DHTKD1: variants seen among roughly 807,000 people sequenced by gnomAD.
The protein encoded by DHTKD1 is dehydrogenase E1 and transketolase domain containing 1.
Under a neutral mutation model 101.8 loss-of-function variants are expected in DHTKD1, and 78 were observed. That is an observed-to-expected ratio of 0.77 (90% CI 0.64 to 0.93). The LOEUF is 0.93. Among genes scored for constraint, DHTKD1 ranks in the 40% least tolerant of loss-of-function variants. DHTKD1 has a pLI of 0.00. For missense variants in DHTKD1, 1,223 were observed against 1,161.7 expected (o/e 1.05, Z -0.77); for synonymous variants, 462 against 450.3 (o/e 1.03, Z -0.33).
In DHTKD1 at chr10:12,106,253, A is replaced by G. The variant is rs765879482; in HGVS notation, c.1904A>G (p.Asn635Ser). Reference sequence around the variant, plus strand: ...TCTCTTCTCTGGGATTAGGTCAGCAACAGCCCACTGTCAGAAGAGGCCGTC... The same window carrying G: ...TCTCTTCTCTGGGATTAGGTCAGCAGCAGCCCACTGTCAGAAGAGGCCGTC... Reference protein sequence around the residue: ...PNQKGFLEVSNSPLSEEAVLG... With the variant: ...PNQKGFLEVSSSPLSEEAVLG... The change falls in exon 11 of 17, where the codon AAC becomes AGC. Residue 635 changes from asparagine (N) to serine (S), a missense_variant. Asn to Ser is a conservative substitution (Grantham distance 46). Coordinates refer to ENST00000263035, the MANE Select transcript of DHTKD1 (RefSeq NM_018706.7). 2.2e-5 allele frequency: 36 copies of G among 1,614,144 alleles called. No individual in the cohort carries two copies. In the East Asian group the frequency reaches 8.0e-4, roughly 36 times the overall value.
chr10:12,107,143 C>A lies in DHTKD1; in HGVS notation c.2047+747C>A, dbSNP rs1036394440. ...GGGACTACATAGGCGCTGGTCACCA[C>A]GCCCGGCTAATTTTTTGTATTTTTA... On this transcript the variant is annotated intron_variant, in intron 11 of 16. Transcript: ENST00000263035. The surrounding 1 kb of genome is among the most constrained non-coding windows in gnomAD (Gnocchi z 4.1). 6.6e-6 allele frequency among the ~76,000 whole-genome samples: 1 copy of A among 151,418 alleles called. No homozygotes were observed. The highest frequency in any genetic ancestry group is 2.4e-5 in the African/African-American group (1 of 41,176).
intron 13 of DHTKD1, among the ~76,000 whole-genome samples, chr10:12,115,156 G>A (rs1053050313): frequency 6.6e-6 from 1 of 151,220 alleles, no homozygotes; most frequent in East Asian, 2.0e-4. Flanking sequence ...TGGAGAGCGC[G>A]ATCTTGGCTC....
rs376437103 is a variant in DHTKD1, at chr10:12,090,425, C to CTTCCTTCCT, written c.988-1086_988-1085insCCTTCCTTT. Among the ~76,000 whole-genome samples, 181 of 47,310 alleles carry CTTCCTTCCT rather than the reference C, an allele frequency of 3.8e-3. 1 individual carries two copies. The highest frequency in any genetic ancestry group is 5.0e-3 in the Non-Finnish European group (123 of 24,560). The allele number at this position is 47,310 out of a possible 152,430, so 31.0% of individuals were successfully genotyped here. ...CCTTCCTTTTTTCCTTCCTTCCTTC[C>CTTCCTTCCT]TTTTTCCTTCCTTCCTTCCTTCCTT... On this transcript the variant is annotated intron_variant, in intron 5 of 16. Transcript: ENST00000263035.
intron 10 of DHTKD1, 43 bp from the exon 11 acceptor site, chr10:12,106,203 G>T (rs769862516): frequency 9.9e-6 from 16 of 1,611,170 alleles, no homozygotes; most frequent in Non-Finnish European, 1.3e-5. Context: ...GTGCTCTGCC[G>T]TGGCCCTCAC....
chr10:12,118,773 C>G lies in DHTKD1; in HGVS notation c.2427C>G (p.Ser809=). 1 of 1,591,304 alleles carries G rather than the reference C, an allele frequency of 6.3e-7. No individual in the cohort carries two copies. The highest frequency in any genetic ancestry group is 8.5e-7 in the Non-Finnish European group (1 of 1,170,472). ...GGGTTAAGACCCTCGTGTTCTGCTC[C>G]GGCAAACATTTCTACTCCCTGGTGA... ...PKKVKTLVFC[S]GKHFYSLVKQ... The change falls in exon 15 of 17, where the codon TCC becomes TCG. Residue 809 remains serine, a synonymous_variant. Transcript: ENST00000263035.
intron 1 of DHTKD1, among the ~76,000 whole-genome samples, chr10:12,073,025 C>T (rs996368667): frequency 6.8e-6 from 1 of 146,718 alleles, no homozygotes; most frequent in Non-Finnish European, 1.5e-5. Flanking sequence ...CATGAGCCAC[C>T]GTGCCTGACC....
rs35898320 is a variant in DHTKD1 at position 12,097,733 on chromosome 10, G to A, written c.1408G>A (p.Gly470Arg). 5.8e-5 allele frequency: 93 copies of A among 1,613,958 alleles called. No individual in the cohort carries two copies. The highest frequency in any genetic ancestry group is 1.7e-4 in the African/African-American group (13 of 74,916). The part of the protein sequence containing the change: ...DTYAEHLIAG[G>R]LMTQEEVSEI... ...ATATGCAGAGCACCTCATTGCTGGCGGACTCATGACGCAGGAGGAGGTGTC... is the reference window on the plus strand; with the variant it reads ...ATATGCAGAGCACCTCATTGCTGGCAGACTCATGACGCAGGAGGAGGTGTC... Residue 470 changes from glycine (G) to arginine (R), a missense_variant, in exon 8 of 17, where the codon GGA becomes AGA. By Grantham distance (125) the Gly-to-Arg change is moderately radical. Transcript: ENST00000263035.
In DHTKD1 at chr10:12,069,203, C is replaced by G; in HGVS notation, c.154+16C>G. On this transcript the variant is annotated intron_variant, in intron 1 of 16. Transcript: ENST00000263035. ...CGCCCCCCAGGTCGGGGATGGGGCCCGGGCGGTGGGAGCGGGGGCTGGGAC... is the reference window on the plus strand; with the variant it reads ...CGCCCCCCAGGTCGGGGATGGGGCCGGGGCGGTGGGAGCGGGGGCTGGGAC... 7.1e-7 allele frequency: 1 copy of G among 1,402,930 alleles called. No homozygotes were observed. The highest frequency in any genetic ancestry group is 9.4e-7 in the Non-Finnish European group (1 of 1,058,686). The allele number at this position is 1,402,930 out of a possible 1,614,324, so 86.9% of individuals were successfully genotyped here. A position where few individuals can be genotyped will look rare whatever the true frequency, so the allele number is the denominator to read the frequency against.
At chr10:12,073,902 C>T (rs1832686219) in intron 1 of DHTKD1, among the ~76,000 whole-genome samples, 1 of 152,174 alleles carries the variant, frequency 6.6e-6, no homozygotes, top group Admixed American at 6.5e-5. Flanking sequence ...ACAAATATTT[C>T]TTGAGCGTCT....
At chr10:12,117,862 TTTTA>T (rs781435056) in intron 14 of DHTKD1, 107 bp downstream of exon 14, 16 of 70,510 alleles carry the variant, frequency 2.3e-4, no homozygotes, top group African/African-American at 1.1e-3. Flanking sequence ...CCTCTCCTAT[TTTTA>T]TTTATTTATT....
rs1356979625 is a variant in DHTKD1 at position 12,103,092 on chromosome 10, A to G, written c.1896+1911A>G. Among the ~76,000 whole-genome samples the G allele has an allele frequency of 1.3e-5, 2 of 152,162 alleles. No individual in the cohort carries two copies. The highest frequency in any genetic ancestry group is 1.9e-4 in the East Asian group (1 of 5,152). ...ACAAAAATTAGTCGGGCATGGTGGC[A>G]CACGCCTGTAATCCCAGCTACTCAG... On this transcript the variant is annotated intron_variant, in intron 10 of 16. Coordinates refer to ENST00000263035, the MANE Select transcript of DHTKD1 (RefSeq NM_018706.7). The surrounding 1 kb of genome is among the most constrained non-coding windows in gnomAD (Gnocchi z 4.8).
chr10:12,112,679 A>T (rs1015313941), intron 12 of DHTKD1, among the ~76,000 whole-genome samples: 7 of 152,144 alleles, frequency 4.6e-5, no homozygotes, highest in Non-Finnish European at 8.8e-5. Flanking sequence ...ATTGTGTTAG[A>T]TGACACAGAA....
Position 12,069,184 on chromosome 10 carries a change from C to T in DHTKD1, c.151C>T (p.Pro51Ser), listed in dbSNP as rs563631393. The change falls in exon 1 of 17, where the codon CCA becomes TCA. Residue 51 changes from proline (P) to serine (S), a missense_variant. Coordinates refer to ENST00000263035, the MANE Select transcript of DHTKD1 (RefSeq NM_018706.7). Reference protein sequence around the residue: ...REPQGALERPPVDHGLARLVT... With the variant: ...REPQGALERPSVDHGLARLVT... Reference sequence around the variant, plus strand: ...GCCCCAGGGCGCCCTGGAGCGCCCCCCAGGTCGGGGATGGGGCCCGGGCGG... The same window carrying T: ...GCCCCAGGGCGCCCTGGAGCGCCCCTCAGGTCGGGGATGGGGCCCGGGCGG... 6.5e-7 allele frequency: 1 copy of T among 1,547,880 alleles called. No individual in the cohort carries two copies.
Position 12,105,204 on chromosome 10 carries a change from T to A in DHTKD1, c.1897-1042T>A, listed in dbSNP as rs115906531. On this transcript the variant is annotated intron_variant, in intron 10 of 16. Transcript: ENST00000263035. ...AAAATTTGTATTCTGCTTTTTTTAA[T>A]GTTAACATATCATGATGGTTCTTTT... 7.7e-3 allele frequency among the ~76,000 whole-genome samples: 1,167 copies of A among 152,316 alleles called. 18 individuals are homozygous for A. The highest frequency in any genetic ancestry group is 0.027 in the African/African-American group (1,104 of 41,568).
intron 3 of DHTKD1, among the ~76,000 whole-genome samples, 159 bp downstream of exon 3, chr10:12,084,910 G>C (rs544998156): frequency 6.6e-6 from 1 of 152,064 alleles, no homozygotes; most frequent in African/African-American, 2.4e-5. Flanking sequence ...AATTAGCCAG[G>C]CATGCTGGTG....
chr10:12,112,376 G>A (rs1406465002), intron 12 of DHTKD1, among the ~76,000 whole-genome samples: 1 of 152,028 alleles, frequency 6.6e-6, no homozygotes, highest in Non-Finnish European at 1.5e-5. Flanking sequence ...CTGCCTTTGG[G>A]GAAGGGTTAG....
At chr10:12,106,890 G>A (rs1833257428) in intron 11 of DHTKD1, among the ~76,000 whole-genome samples, 1 of 152,130 alleles carries the variant, frequency 6.6e-6, no homozygotes, top group Admixed American at 6.6e-5. Flanking sequence ...CTTCTGACTT[G>A]TCCAGAGACT....
At chr10:12,080,018 C>T (rs1413769250) in intron 1 of DHTKD1, among the ~76,000 whole-genome samples, 3 of 151,946 alleles carry the variant, frequency 2.0e-5, no homozygotes, top group South Asian at 2.1e-4. Context: ...AGGTGGCTCA[C>T]GCCTGTAATC....
intron 1 of DHTKD1, among the ~76,000 whole-genome samples, chr10:12,069,771 C>T (rs1289158784): frequency 7.3e-6 from 1 of 137,454 alleles, no homozygotes; most frequent in African/African-American, 2.7e-5. Context: ...CTCTTGAGCT[C>T]AAGCTGATCC....
Sources: gnomAD v4.1 joint callset for allele counts (sites outside exome capture counted in the v4.1 genomes callset) on GRCh38, gnomAD v4.1.1 for gene constraint, Gnocchi (gnomAD v3.1) non-coding constraint, MANE v1.5 for transcripts, NCBI Gene and HGNC (gene_info 2026-07-23, HGNC 2026-07-21) for gene names.